The following TAOK1 variants were observed in gnomAD, a reference collection of about 807,000 sequenced individuals.
The protein encoded by TAOK1 is serine/threonine-protein kinase TAO1.
A neutral mutation model predicts 138.3 loss-of-function variants in TAOK1; 21 were observed. That is an observed-to-expected ratio of 0.15 (90% confidence interval 0.11 to 0.22). The LOEUF (loss-of-function observed/expected upper bound fraction) is 0.22, where lower values mean the gene tolerates loss of function less well. TAOK1 is among the 10% of genes least tolerant of loss of function. The pLI is 1.00. For missense variants in TAOK1, 651 were observed against 1,227.7 expected (o/e 0.53, Z 7.02); for synonymous variants, 361 against 398.4 (o/e 0.91, Z 1.12).
chr17:29,430,802 T>G (rs190750073), intron 1 of TAOK1, among the ~76,000 whole-genome samples: 1 of 152,098 alleles, frequency 6.6e-6, no homozygotes, highest in African/African-American at 2.4e-5. Flanking sequence ...TCATGCTGAT[T>G]TGGGGCTTAG....
intron 3 of TAOK1, among the ~76,000 whole-genome samples, chr17:29,471,469 G>A (rs1050196470): frequency 4.0e-5 from 6 of 151,324 alleles, no homozygotes; most frequent in African/African-American, 1.2e-4. Flanking sequence ...AGTAGAGACG[G>A]GGTTTCATCA....
chr17:29,518,682 C>T (rs2031862045), intron 16 of TAOK1, among the ~76,000 whole-genome samples: 3 of 152,090 alleles, frequency 2.0e-5, no homozygotes, highest in Admixed American at 2.0e-4. Context: ...TCACAGTAGG[C>T]ATTCAATAAA....
At chr17:29,419,402 G>T (rs563622891) in intron 1 of TAOK1, among the ~76,000 whole-genome samples, 116 of 151,646 alleles carry the variant, frequency 7.6e-4, no homozygotes, top group Middle Eastern at 3.5e-3. Context: ...CTCCTTGTTG[G>T]TCAGGCTGGT....
chr17:29,519,680 G>A (rs1302981319), intron 16 of TAOK1, among the ~76,000 whole-genome samples: 1 of 152,138 alleles, frequency 6.6e-6, no homozygotes, highest in Non-Finnish European at 1.5e-5. Context: ...CATCCATTAT[G>A]TAAGAAAAAT....
At chr17:29,502,455 C>T (rs1482534126) in intron 12 of TAOK1, 134 bp from the exon 13 acceptor site, 1 of 987,720 alleles carries the variant, frequency 1.0e-6, no homozygotes, top group Non-Finnish European at 1.4e-6. Flanking sequence ...ACCAGCATTT[C>T]TACTTTTTGG....
chr17:29,448,181 G>A (rs897274436), intron 1 of TAOK1, among the ~76,000 whole-genome samples: 7 of 151,184 alleles, frequency 4.6e-5, no homozygotes, highest in East Asian at 3.9e-4. Flanking sequence ...CCCAGTACTC[G>A]TATAGTTTCT....
intron 11 of TAOK1, among the ~76,000 whole-genome samples, chr17:29,497,843 T>A (rs1353565637): frequency 2.0e-5 from 3 of 151,742 alleles, no homozygotes; most frequent in East Asian, 3.8e-4. Flanking sequence ...TTTCTAGTAC[T>A]TTATTTTTTT....
At chr17:29,448,986 A>G (rs1181502817) in intron 1 of TAOK1, among the ~76,000 whole-genome samples, 2 of 152,182 alleles carry the variant, frequency 1.3e-5, no homozygotes, top group East Asian at 1.9e-4. Flanking sequence ...AGGTTTTGCA[A>G]ACATTATGAC....
chr17:29,511,992 T>C (rs1466263508), intron 15 of TAOK1: 2 of 152,152 alleles, frequency 1.3e-5, no homozygotes, highest in African/African-American at 2.4e-5. Context: ...TGATTATTTC[T>C]TTGTGGCTAC....
chr17:29,462,520 A>G (rs540522595), intron 2 of TAOK1, among the ~76,000 whole-genome samples: 13 of 152,314 alleles, frequency 8.5e-5, no homozygotes, highest in Non-Finnish European at 1.8e-4. Context: ...ACTTTCTAAC[A>G]AAGTGGGGTT....
chr17:29,522,236 A>G, intron 16 of TAOK1, 44 bp from the exon 17 acceptor site: 1 of 1,599,646 alleles, frequency 6.3e-7, no homozygotes, highest in South Asian at 1.1e-5. Flanking sequence ...TTCTGGCATT[A>G]TACAGCAGTA....
intron 1 of TAOK1, among the ~76,000 whole-genome samples, chr17:29,413,777 G>T (rs1905200078): frequency 6.6e-6 from 1 of 151,592 alleles, no homozygotes; most frequent in East Asian, 1.9e-4. Flanking sequence ...TTCCGTCTCT[G>T]ATAATCACCA....
rs994849594 is a variant in TAOK1 at position 29,495,746 on chromosome 17, A to G, written c.999+19A>G. On this transcript the variant is annotated intron_variant, in intron 11 of 19. Coordinates refer to ENST00000261716, the MANE Select transcript of TAOK1 (RefSeq NM_020791.4). ...AGAAGAGGTAAGAGATAAAAAAATGACTCCAATATTGAATTTTCACTTTTG... is the reference window on the plus strand; with the variant it reads ...AGAAGAGGTAAGAGATAAAAAAATGGCTCCAATATTGAATTTTCACTTTTG... 1.9e-6 allele frequency: 3 copies of G among 1,545,430 alleles called. No individual in the cohort carries two copies. The African/African-American group carries it at 4.1e-5, about 21-fold the overall frequency.
intron 10 of TAOK1, among the ~76,000 whole-genome samples, chr17:29,494,522 A>G (rs1292061767): frequency 6.6e-6 from 1 of 152,076 alleles, no homozygotes; most frequent in Non-Finnish European, 1.5e-5. Flanking sequence ...AGGAGGTAAA[A>G]GTTGTCTTAA....
intron 13 of TAOK1, among the ~76,000 whole-genome samples, chr17:29,505,390 G>A (rs561832727): frequency 7.9e-5 from 12 of 152,118 alleles, no homozygotes; most frequent in Admixed American, 1.3e-4. Flanking sequence ...AAAATCCACC[G>A]ATAACCCAAG....
intron 1 of TAOK1, among the ~76,000 whole-genome samples, chr17:29,397,635 TATACATGTATATATGTATATTCATGTATG>T (rs1567706688): frequency 0.02 from 1,367 of 68,222 alleles, 133 homozygotes; most frequent in African/African-American, 0.065. Flanking sequence ...TATATACATG[TATACATGTATATATGTATATTCATGTATG>T]ATACATGTAT....
chr17:29,415,640 A>G (rs1338591159), intron 1 of TAOK1, among the ~76,000 whole-genome samples: 1 of 152,168 alleles, frequency 6.6e-6, no homozygotes, highest in Non-Finnish European at 1.5e-5. Flanking sequence ...TTTATCTTCT[A>G]TGGAAAAATA....
intron 1 of TAOK1, among the ~76,000 whole-genome samples, chr17:29,393,474 G>A (rs924138538): frequency 6.6e-6 from 1 of 152,130 alleles, no homozygotes; most frequent in African/African-American, 2.4e-5. Context: ...CATTATTAAG[G>A]AAAAATTGCC....
At chr17:29,470,148 G>A (rs1348835819) in intron 3 of TAOK1, among the ~76,000 whole-genome samples, 1 of 152,044 alleles carries the variant, frequency 6.6e-6, no homozygotes, top group East Asian at 1.9e-4. Context: ...GGAATTTCTG[G>A]GTATGGACCA....
Sources: gnomAD v4.1 joint callset for allele counts (sites outside exome capture counted in the v4.1 genomes callset) on GRCh38, gnomAD v4.1.1 for gene constraint, MANE v1.5 for transcripts, NCBI Gene and HGNC (gene_info 2026-07-23, HGNC 2026-07-21) for gene names.